Variants in IL31RA observed in about 807,000 individuals in gnomAD.
The protein encoded by IL31RA is interleukin-31 receptor subunit alpha.
In IL31RA, 66 loss-of-function variants were observed where a neutral mutation model predicts 83.7. That is an observed-to-expected ratio of 0.79 (90% confidence interval 0.65 to 0.97). IL31RA has a LOEUF of 0.97. IL31RA is among the 50% of genes least tolerant of loss of function. IL31RA has a pLI of 0.00. For missense variants in IL31RA, 798 were observed against 919.4 expected, an observed-to-expected ratio of 0.87 and a Z score of 1.71; for synonymous variants, 325 against 329.0, an observed-to-expected ratio of 0.99 and a Z score of 0.13.
At chr5:55,901,044 C>A (rs1748775091) in intron 8 of IL31RA, among the ~76,000 whole-genome samples, 3 of 152,322 alleles carry the variant, frequency 2.0e-5, no homozygotes, top group African/African-American at 7.2e-5. Context: ...CTGGTTCAGA[C>A]ATTTACACAA....
Position 55,917,097 on chromosome 5 carries a change from G to C in IL31RA, c.2272G>C (p.Glu758Gln). 6.2e-7 allele frequency: 1 copy of C among 1,614,160 alleles called. No homozygotes were observed. Among genetic ancestry groups the C allele is most frequent in the Non-Finnish European group, 8.5e-7 (1 of 1,180,032 alleles). Residue 758 changes from glutamate to glutamine, a missense_variant, in exon 15 of 15, where the codon GAG becomes CAG. By Grantham distance (29) the Glu-to-Gln change is conservative. Transcript: ENST00000652347. Reference protein sequence around the residue: ...REFLVSEKLPEHTKGEV With the variant: ...REFLVSEKLPQHTKGEV ...ATTTCTTGTGTCTGAAAAACTTCCA[G>C]AGCACACCAAGGGAGAAGTCTAAAT...
At chr5:55,897,084 G>A (rs1268969366) in intron 7 of IL31RA, among the ~76,000 whole-genome samples, 5 of 119,902 alleles carry the variant, frequency 4.2e-5, no homozygotes, top group African/African-American at 6.3e-5. Context: ...TCCTGGGCTC[G>A]AGAGATCCTC....
Position 55,899,921 on chromosome 5 carries a change from A to G in IL31RA, c.858A>G (p.Ala286=). 6.2e-7 allele frequency: 1 copy of G among 1,613,832 alleles called. No individual in the cohort carries two copies. Among genetic ancestry groups the G allele is most frequent in the Non-Finnish European group, 8.5e-7 (1 of 1,179,710 alleles). ...RRPVRLLWKK[A]RGAPVLEKTL... ...TTTGTTTTCTTTGGGTTCAGAAGGC[A>G]AGAGGAGCCCCAGTCCTAGAGAAAA... The change falls in exon 8 of 15, where the codon GCA becomes GCG. Residue 286 remains alanine, a synonymous_variant. Coordinates refer to ENST00000652347, the MANE Select transcript of IL31RA (RefSeq NM_139017.7).
At chr5:55,916,247 G>C (rs1016906459) in intron 14 of IL31RA, among the ~76,000 whole-genome samples, 2 of 152,062 alleles carry the variant, frequency 1.3e-5, no homozygotes, top group Non-Finnish European at 2.9e-5. Flanking sequence ...AGGTATGGTG[G>C]TGTGCATCTG....
In IL31RA at chr5:55,900,008, C is replaced by T. The variant is rs771565688; in HGVS notation, c.945C>T (p.Asn315=). The T allele has an allele frequency of 6.2e-7, 1 of 1,613,872 alleles. No homozygotes were observed. The highest frequency in any genetic ancestry group is 8.5e-7 in the Non-Finnish European group (1 of 1,179,730). The change falls in exon 8 of 15, where the codon AAC becomes AAT. Residue 315 remains asparagine, a synonymous_variant. Coordinates refer to ENST00000652347, the MANE Select transcript of IL31RA (RefSeq NM_139017.7). ...ACACTAACCTCACAGAAACAATGAACACTACTAACCAGCAGCTTGAACTGC... is the reference window on the plus strand; with the variant it reads ...ACACTAACCTCACAGAAACAATGAATACTACTAACCAGCAGCTTGAACTGC... ...ESNTNLTETM[N]TTNQQLELHL... is the part of the protein sequence containing the mutation.
chr5:55,907,250 T>C, intron 9 of IL31RA, 109 bp from the exon 10 acceptor site: 1 of 720,322 alleles, frequency 1.4e-6, no homozygotes, highest in East Asian at 2.7e-5. Flanking sequence ...GTGGAAACTG[T>C]AGAGAAATGG....
chr5:55,900,853 G>A (rs969584414), intron 8 of IL31RA, among the ~76,000 whole-genome samples: 16 of 152,032 alleles, frequency 1.1e-4, no homozygotes, highest in Non-Finnish European at 2.4e-4. Flanking sequence ...GGATGTAAAT[G>A]CCATGAAGGC....
intron 1 of IL31RA, chr5:55,853,303 T>G: frequency 8.2e-7 from 1 of 1,225,778 alleles, no homozygotes; most frequent in Non-Finnish European, 1.0e-6. Context: ...AGTGTTTTTG[T>G]TTTTGCTTTT....
chr5:55,899,875 T>C, intron 7 of IL31RA, 41 bp from the exon 8 acceptor site: 1 of 1,457,638 alleles, frequency 6.9e-7, no homozygotes, highest in Non-Finnish European at 9.6e-7. Context: ...CCTTTCTTTT[T>C]CTTTGTTATT....
intron 2 of IL31RA, among the ~76,000 whole-genome samples, 187 bp from the exon 3 acceptor site, chr5:55,868,603 AG>A (rs1219316172): frequency 6.6e-6 from 1 of 152,236 alleles, no homozygotes; most frequent in Non-Finnish European, 1.5e-5. Context: ...AGCTCTTGAA[AG>A]GGAATAATTA....
At chr5:55,912,614 TGGTG>T (rs1749561464) in intron 12 of IL31RA, among the ~76,000 whole-genome samples, 1 of 152,106 alleles carries the variant, frequency 6.6e-6, no homozygotes, top group African/African-American at 2.4e-5. Context: ...CTGGCCAACA[TGGTG>T]AAACCCAGTC....
chr5:55,864,559 C>A (rs1273949489), intron 2 of IL31RA, among the ~76,000 whole-genome samples: 1 of 150,520 alleles, frequency 6.6e-6, no homozygotes, highest in Non-Finnish European at 1.5e-5. Flanking sequence ...ACACACCACA[C>A]ATATGTCACA....
chr5:55,900,642 C>G (rs1431034280), intron 8 of IL31RA, among the ~76,000 whole-genome samples: 1 of 152,142 alleles, frequency 6.6e-6, no homozygotes. Flanking sequence ...GTTCATTACA[C>G]TTTTGGTTAA....
chr5:55,883,617 T>C (rs1747401594), intron 5 of IL31RA, among the ~76,000 whole-genome samples: 1 of 152,216 alleles, frequency 6.6e-6, no homozygotes, highest in Non-Finnish European at 1.5e-5. Flanking sequence ...TCAGTGCTCA[T>C]GTAGAAACCA....
In IL31RA at chr5:55,916,555, G is replaced by A. The variant is rs572886715; in HGVS notation, c.1819-89G>A. On this transcript the variant is annotated intron_variant, in intron 14 of 14. Transcript: ENST00000652347. ...AAGGTGGGGGCTGTTCCAGAGATGGGCATTTGCTGTCCCAAGCCTAACGAG... is the reference window on the plus strand; with the variant it reads ...AAGGTGGGGGCTGTTCCAGAGATGGACATTTGCTGTCCCAAGCCTAACGAG... 5.1e-5 allele frequency: 55 copies of A among 1,088,994 alleles called. No homozygotes were observed. In the Middle Eastern group the frequency reaches 1.5e-3, roughly 31 times the overall value. 67.5% of individuals were successfully genotyped at this position (1,088,994 alleles called of 1,614,324 possible).
chr5:55,880,948 AG>A (rs539004893), intron 4 of IL31RA, among the ~76,000 whole-genome samples: 5 of 152,162 alleles, frequency 3.3e-5, no homozygotes, highest in Non-Finnish European at 7.4e-5. Context: ...AATTCAACTG[AG>A]GGGCATACGA....
intron 2 of IL31RA, among the ~76,000 whole-genome samples, chr5:55,867,178 T>C (rs981646697): frequency 3.8e-5 from 3 of 78,002 alleles, no homozygotes; most frequent in East Asian, 4.2e-4. Context: ...CATGTGTGTG[T>C]GCATGTGTGT....
chr5:55,860,471 C>T (rs1164065537), intron 2 of IL31RA, among the ~76,000 whole-genome samples: 1 of 152,024 alleles, frequency 6.6e-6, no homozygotes, highest in Non-Finnish European at 1.5e-5. Flanking sequence ...GTAACTGAAA[C>T]TACAGAAAGT....
intron 8 of IL31RA, among the ~76,000 whole-genome samples, chr5:55,904,105 C>T (rs1013441669): frequency 2.0e-5 from 3 of 152,184 alleles, no homozygotes; most frequent in Non-Finnish European, 2.9e-5. Flanking sequence ...ATAAAGGGCC[C>T]ACTGTCTTAA....
Sources: gnomAD v4.1 joint callset for allele counts (sites outside exome capture counted in the v4.1 genomes callset) on GRCh38, gnomAD v4.1.1 for gene constraint, MANE v1.5 for transcripts, NCBI Gene and HGNC (gene_info 2026-07-23, HGNC 2026-07-21) for gene names.